The following COL21A1 variants were observed in gnomAD, a reference collection of about 807,000 sequenced individuals.
COL21A1 encodes the protein collagen alpha-1(XXI) chain.
COL21A1 carries 149 observed loss-of-function variants against 137.9 expected under a neutral mutation model. The ratio of observed to expected loss-of-function variants is 1.08; its 90% CI spans 0.95 to 1.24. The LOEUF (loss-of-function observed/expected upper bound fraction) is 1.24. Among genes scored for constraint, COL21A1 ranks in the 50% most tolerant of loss-of-function variants. The pLI, the probability that COL21A1 is intolerant of heterozygous loss-of-function variation, is 0.00. For missense variants in COL21A1, 1,167 were observed against 1,158.4 expected (o/e 1.01, Z -0.11); for synonymous variants, 456 against 391.5 (o/e 1.16, Z -1.95).
intron 1 of COL21A1, among the ~76,000 whole-genome samples, chr6:56,388,414 C>A (rs2094022729): frequency 6.6e-6 from 1 of 152,210 alleles, no homozygotes; most frequent in Non-Finnish European, 1.5e-5. Context: ...GAGACTCCTG[C>A]TGATTGGAGG....
chr6:56,365,413 T>G (rs1258834156), intron 1 of COL21A1, among the ~76,000 whole-genome samples: 2 of 152,208 alleles, frequency 1.3e-5, no homozygotes, highest in African/African-American at 4.8e-5. Context: ...CAGCACTAAC[T>G]TATATGCTGC....
In COL21A1 at chr6:56,097,965, A is replaced by G. The variant is rs867847377; in HGVS notation, c.1812+3507T>C. On this transcript the variant is annotated intron_variant, in intron 17 of 29. Coordinates refer to ENST00000244728, the MANE Select transcript of COL21A1 (RefSeq NM_030820.4). The stretch of plus-strand genomic sequence containing the variant: ...TATATATAAATATAAAAATATATAT[A>G]AATATATAAATATATATAAATATAT... 4.0e-5 allele frequency among the ~76,000 whole-genome samples: 3 copies of G among 75,184 alleles called. 1 individual carries two copies. Among genetic ancestry groups the G allele is most frequent in the Non-Finnish European group, 6.6e-5 (3 of 45,156 alleles). The allele number at this position is 75,184 out of a possible 152,430, so 49.3% of individuals were successfully genotyped here.
chr6:56,111,328 A>G (rs1361493431), intron 16 of COL21A1, among the ~76,000 whole-genome samples: 4 of 152,210 alleles, frequency 2.6e-5, no homozygotes, highest in Non-Finnish European at 5.9e-5. Flanking sequence ...AGGCATGACA[A>G]ATAAATGTAA....
At chr6:56,276,907 A>G (rs1165441345) in intron 1 of COL21A1, 13 of 433,036 alleles carry the variant, frequency 3.0e-5, no homozygotes, top group Non-Finnish European at 4.6e-5. Flanking sequence ...TCCCGGGTTC[A>G]CGCCATTCTA....
intron 1 of COL21A1, among the ~76,000 whole-genome samples, chr6:56,340,434 G>C (rs1035866457): frequency 6.6e-6 from 1 of 152,148 alleles, no homozygotes; most frequent in Admixed American, 6.5e-5. Context: ...GGGAGACTTT[G>C]TGCCCTGCCA....
chr6:56,250,790 G>T (rs897992653), upstream of COL21A1, among the ~76,000 whole-genome samples: 2 of 152,080 alleles, frequency 1.3e-5, no homozygotes, highest in Non-Finnish European at 1.5e-5. Context: ...TTCTAGCAAG[G>T]TCTAAATTTC....
chr6:56,144,904 T>C (rs1035983833), intron 10 of COL21A1, among the ~76,000 whole-genome samples: 1 of 152,230 alleles, frequency 6.6e-6, no homozygotes, highest in Admixed American at 6.5e-5. Flanking sequence ...AAAGACTTAG[T>C]TTCTTACCAT....
At chr6:56,269,384 G>T (rs1409781416) in intron 1 of COL21A1, among the ~76,000 whole-genome samples, 1 of 152,098 alleles carries the variant, frequency 6.6e-6, no homozygotes, top group Non-Finnish European at 1.5e-5. Flanking sequence ...GGCCGGGCGC[G>T]GTGGCTCACG....
intron 13 of COL21A1, 98 bp downstream of exon 13, chr6:56,125,998 A>G (rs919443203): frequency 1.5e-6 from 1 of 675,770 alleles, no homozygotes; most frequent in African/African-American, 1.8e-5. Flanking sequence ...CTAATTATAT[A>G]TGAACATTTA....
chr6:56,071,701 T>G (rs1766768640), intron 20 of COL21A1, among the ~76,000 whole-genome samples: 1 of 151,648 alleles, frequency 6.6e-6, no homozygotes, highest in South Asian at 2.1e-4. Flanking sequence ...CACAGAATGA[T>G]TCCTTAAAAT....
chr6:56,221,690 CTGAG>C (rs1780837040), intron 1 of COL21A1, among the ~76,000 whole-genome samples: 1 of 151,944 alleles, frequency 6.6e-6, no homozygotes, highest in Admixed American at 6.6e-5. Flanking sequence ...CACCACTGCA[CTGAG>C]TGACAGAACA....
intron 16 of COL21A1, among the ~76,000 whole-genome samples, chr6:56,123,335 A>G (rs1728640951): frequency 1.3e-5 from 2 of 152,240 alleles, no homozygotes; most frequent in South Asian, 4.1e-4. Context: ...TCGAAGAATC[A>G]TGGATATTTG....
intron 1 of COL21A1, among the ~76,000 whole-genome samples, chr6:56,261,635 T>G (rs1415743179): frequency 6.6e-6 from 1 of 152,208 alleles, no homozygotes; most frequent in Non-Finnish European, 1.5e-5. Context: ...AAGATAATGT[T>G]TATTGTATTT....
chr6:56,221,847 T>G (rs916859854), intron 1 of COL21A1, among the ~76,000 whole-genome samples: 3 of 152,212 alleles, frequency 2.0e-5, no homozygotes, highest in Admixed American at 6.5e-5. Flanking sequence ...AATCAAAATG[T>G]TTTTGAAATA....
chr6:56,388,969 A>T (rs528475425), intron 1 of COL21A1, among the ~76,000 whole-genome samples: 274 of 152,330 alleles, frequency 1.8e-3, no homozygotes, highest in Middle Eastern at 6.8e-3. Context: ...GGAGCTGCAA[A>T]ATTCAATTGA....
At chr6:56,237,953 T>C (rs1468939307) in intron 1 of COL21A1, among the ~76,000 whole-genome samples, 1 of 152,124 alleles carries the variant, frequency 6.6e-6, no homozygotes, top group Non-Finnish European at 1.5e-5. Flanking sequence ...ATTATGGTGT[T>C]TTTGTTTTAT....
chr6:56,271,622 G>A (rs1421758410), intron 1 of COL21A1, among the ~76,000 whole-genome samples: 2 of 152,230 alleles, frequency 1.3e-5, no homozygotes, highest in African/African-American at 2.4e-5. Context: ...AGAGTCAAGA[G>A]AATGGGCAAA....
At chr6:56,347,883 T>C (rs372747862) in intron 1 of COL21A1, among the ~76,000 whole-genome samples, 13 of 152,334 alleles carry the variant, frequency 8.5e-5, no homozygotes, top group African/African-American at 3.1e-4. Context: ...ATTGATTCTA[T>C]GTACAGGTAG....
At chr6:56,219,372 T>C (rs1780690562) in intron 1 of COL21A1, among the ~76,000 whole-genome samples, 1 of 151,978 alleles carries the variant, frequency 6.6e-6, no homozygotes, top group Non-Finnish European at 1.5e-5. Context: ...AAAACTGCAA[T>C]GCCTGCAGCC....
Sources: allele counts gnomAD v4.1 joint callset (sites outside exome capture counted in the v4.1 genomes callset), GRCh38; gene constraint gnomAD v4.1.1; transcripts MANE v1.5; gene names NCBI Gene and HGNC (gene_info 2026-07-23, HGNC 2026-07-21).